Variants in GALNTL6 observed in about 807,000 individuals in gnomAD.
GALNTL6 encodes the protein polypeptide N-acetylgalactosaminyltransferase like 6, also known as polypeptide N-acetylgalactosaminyltransferase-like 6.
GALNTL6 carries 46 observed loss-of-function variants against 73.7 expected under a neutral mutation model. The observed-to-expected ratio is 0.62, with a 90% confidence interval of 0.49 to 0.80. The LOEUF (loss-of-function observed/expected upper bound fraction) is 0.80, where lower values mean the gene tolerates loss of function less well. GALNTL6 is among the 30% of genes least tolerant of loss of function. The pLI is 0.00. For missense variants in GALNTL6, 604 were observed against 755.0 expected, an observed-to-expected ratio of 0.80 and a Z score of 2.34; for synonymous variants, 259 against 263.7, an observed-to-expected ratio of 0.98 and a Z score of 0.17.
At chr4:172,016,577 G>A (rs923049131) in intron 2 of GALNTL6, among the ~76,000 whole-genome samples, 12 of 151,972 alleles carry the variant, frequency 7.9e-5, no homozygotes, top group Non-Finnish European at 4.4e-5. Flanking sequence ...TGGCAATTCA[G>A]AGATTTATTC....
At chr4:172,884,410 T>C (rs1271021485) in intron 8 of GALNTL6, among the ~76,000 whole-genome samples, 1 of 152,202 alleles carries the variant, frequency 6.6e-6, no homozygotes, top group African/African-American at 2.4e-5. Context: ...TGGCCATTTG[T>C]ATGTCTTCTT....
intron 5 of GALNTL6, among the ~76,000 whole-genome samples, chr4:172,450,921 G>C (rs995770894): frequency 6.6e-6 from 1 of 152,024 alleles, no homozygotes; most frequent in African/African-American, 2.4e-5. Flanking sequence ...ATTATTATTA[G>C]TCTCTGTAAT....
At chr4:172,471,268 C>G (rs1733038251) in intron 5 of GALNTL6, among the ~76,000 whole-genome samples, 1 of 152,154 alleles carries the variant, frequency 6.6e-6, no homozygotes, top group Non-Finnish European at 1.5e-5. Flanking sequence ...GCTTCAGTCC[C>G]AATTCCAGAG....
intron 2 of GALNTL6, among the ~76,000 whole-genome samples, chr4:172,021,316 C>T (rs1007766853): frequency 2.6e-5 from 4 of 151,756 alleles, no homozygotes; most frequent in African/African-American, 7.3e-5. Flanking sequence ...AAAGGACATC[C>T]GAATTTGAAA....
At chr4:172,657,245 G>T (rs377556033) in intron 5 of GALNTL6, among the ~76,000 whole-genome samples, 2 of 152,158 alleles carry the variant, frequency 1.3e-5, no homozygotes, top group African/African-American at 2.4e-5. Flanking sequence ...TAGCACCTCT[G>T]AGCCTGAGCT....
chr4:172,714,677 G>A (rs979529048), intron 5 of GALNTL6, among the ~76,000 whole-genome samples: 1 of 152,120 alleles, frequency 6.6e-6, no homozygotes, highest in Non-Finnish European at 1.5e-5. Flanking sequence ...TAGGGTACAT[G>A]TGCAGAACCT....
chr4:172,866,272 G>C (rs1017924419), intron 7 of GALNTL6, among the ~76,000 whole-genome samples: 1 of 152,196 alleles, frequency 6.6e-6, no homozygotes, highest in Non-Finnish European at 1.5e-5. Flanking sequence ...GGGATGGTGT[G>C]TGTGAGTGCA....
rs190712490 is a variant in GALNTL6 at position 171,871,211 on chromosome 4, C to A, written c.138+56493C>A. Among the ~76,000 whole-genome samples the A allele has an allele frequency of 7.2e-5, 11 of 152,078 alleles. No homozygotes were observed. In the East Asian group the frequency reaches 2.1e-3, roughly 29 times the overall value. The stretch of plus-strand genomic sequence containing the variant: ...CTGAAAATGCACACAGTACAGAATC[C>A]TATATTTATCATGTTTTTCCTATAC... On this transcript the variant is annotated intron_variant, in intron 2 of 12. Coordinates refer to ENST00000506823, the MANE Select transcript of GALNTL6 (RefSeq NM_001034845.3).
intron 12 of GALNTL6, among the ~76,000 whole-genome samples, chr4:173,035,803 T>G (rs1282977901): frequency 1.3e-5 from 2 of 152,176 alleles, no homozygotes; most frequent in Non-Finnish European, 2.9e-5. Flanking sequence ...AGAGGCTAAC[T>G]TTTGAAAATT....
intron 12 of GALNTL6, among the ~76,000 whole-genome samples, chr4:173,022,026 G>T (rs1322507075): frequency 8.4e-6 from 1 of 119,510 alleles, no homozygotes; most frequent in East Asian, 2.7e-4. Flanking sequence ...AAGGAAGGAA[G>T]GAAAGAAGGA....
chr4:172,416,349 C>T (rs1397116700), intron 5 of GALNTL6, among the ~76,000 whole-genome samples: 4 of 152,120 alleles, frequency 2.6e-5, no homozygotes, highest in African/African-American at 9.7e-5. Flanking sequence ...CAAAGAATTC[C>T]GGCTTACATC....
intron 5 of GALNTL6, among the ~76,000 whole-genome samples, chr4:172,798,503 T>C (rs961815843): frequency 1.3e-5 from 2 of 152,212 alleles, no homozygotes; most frequent in Non-Finnish European, 2.9e-5. Context: ...TCTGCTGTGA[T>C]TAAGTTTCCT....
At chr4:171,959,824 C>G (rs2111045144) in intron 2 of GALNTL6, among the ~76,000 whole-genome samples, 1 of 152,220 alleles carries the variant, frequency 6.6e-6, no homozygotes, top group Middle Eastern at 3.4e-3. Context: ...ACATGTTTGC[C>G]TGAAGCAAAT....
intron 2 of GALNTL6, among the ~76,000 whole-genome samples, 165 bp from the exon 3 acceptor site, chr4:172,229,491 G>A (rs879765235): frequency 6.6e-6 from 1 of 152,194 alleles, no homozygotes; most frequent in Non-Finnish European, 1.5e-5. Flanking sequence ...GATTTAAAAT[G>A]TGTATAAATC....
intron 3 of GALNTL6, among the ~76,000 whole-genome samples, chr4:172,234,146 A>G (rs79105759): frequency 6.6e-6 from 1 of 152,058 alleles, no homozygotes; most frequent in East Asian, 1.9e-4. Context: ...ATTTACCAAT[A>G]GTTTATTTTG....
intron 5 of GALNTL6, among the ~76,000 whole-genome samples, chr4:172,430,867 A>C (rs931926964): frequency 1.3e-5 from 2 of 152,130 alleles, no homozygotes; most frequent in Non-Finnish European, 2.9e-5. Flanking sequence ...TATGAGTTGA[A>C]ATAGGATTAT....
chr4:172,715,422 T>C (rs1735012793), intron 5 of GALNTL6, among the ~76,000 whole-genome samples: 1 of 152,210 alleles, frequency 6.6e-6, no homozygotes, highest in Non-Finnish European at 1.5e-5. Flanking sequence ...GTGCAGGTTC[T>C]GCAAACAGCA....
At chr4:172,554,918 AG>A (rs1736090750) in intron 5 of GALNTL6, among the ~76,000 whole-genome samples, 1 of 152,206 alleles carries the variant, frequency 6.6e-6, no homozygotes, top group South Asian at 2.1e-4. Flanking sequence ...ACTAAAATTT[AG>A]GATATAGCTA....
chr4:172,953,087 C>T (rs910799698), intron 10 of GALNTL6, among the ~76,000 whole-genome samples: 1 of 152,220 alleles, frequency 6.6e-6, no homozygotes, highest in Admixed American at 6.5e-5. Context: ...AACTGTGACA[C>T]AGGCAGCCAC....
Sources: allele counts gnomAD v4.1 joint callset (sites outside exome capture counted in the v4.1 genomes callset), GRCh38; gene constraint gnomAD v4.1.1; transcripts MANE v1.5; gene names NCBI Gene and HGNC (gene_info 2026-07-23, HGNC 2026-07-21).